Variants in SLC25A24 observed in about 807,000 individuals in gnomAD.
The protein encoded by SLC25A24 is mitochondrial adenyl nucleotide antiporter SLC25A24.
SLC25A24 carries 49 observed loss-of-function variants against 60.7 expected under a neutral mutation model. That is an observed-to-expected ratio of 0.81 (90% CI 0.64 to 1.02). The LOEUF (loss-of-function observed/expected upper bound fraction) is 1.02, where lower values mean the gene tolerates loss of function less well. SLC25A24 is among the 50% of genes least tolerant of loss of function. SLC25A24 has a pLI of 0.00. For missense variants in SLC25A24, 564 were observed against 586.3 expected, an observed-to-expected ratio of 0.96 and a Z score of 0.39; for synonymous variants, 202 against 200.6, an observed-to-expected ratio of 1.01 and a Z score of -0.06.
Position 108,143,653 on chromosome 1 carries a change from A to C in SLC25A24, c.988T>G (p.Cys330Gly). 1 of 1,613,900 alleles carries C rather than the reference A, an allele frequency of 6.2e-7. No homozygotes were observed. Among genetic ancestry groups the C allele is most frequent in the Non-Finnish European group, 8.5e-7 (1 of 1,179,838 alleles). Residue 330 changes from cysteine to glycine, a missense_variant, in exon 8 of 10, where the codon TGT becomes GGT. Transcript: ENST00000565488. ...KTGQYSGIYD[C>G]AKKILKHEGL... ...TCATGTTTCAAAATCTTCTTGGCAC[A>C]ATCATATATTCCAGAGTACTGCCCA...
chr1:108,158,292 T>C (rs1679958418), intron 4 of SLC25A24, among the ~76,000 whole-genome samples: 1 of 152,146 alleles, frequency 6.6e-6, no homozygotes, highest in African/African-American at 2.4e-5. Context: ...GAGAAACAAT[T>C]CTATAATAAT....
In SLC25A24 at chr1:108,136,441, G is replaced by A; in HGVS notation, c.*212C>T. On this transcript the variant is annotated 3_prime_UTR_variant, in exon 10 of 10. Transcript: ENST00000565488. ...AGAAAAGATAAAGTATAATTGTGTG[G>A]CCTTTTCAAAACACATTAAAACTAT... is the stretch of plus-strand genomic sequence containing the variant. The A allele has an allele frequency of 2.0e-6, 1 of 489,498 alleles. No homozygotes were observed. The highest frequency in any genetic ancestry group is 3.6e-6 in the Non-Finnish European group (1 of 278,242). 30.3% of individuals were successfully genotyped at this position (489,498 alleles called of 1,614,324 possible). A position where few individuals can be genotyped will look rare whatever the true frequency, so the allele number is the denominator to read the frequency against.
intron 3 of SLC25A24, among the ~76,000 whole-genome samples, chr1:108,164,249 T>G (rs1405056332): frequency 2.0e-5 from 3 of 152,012 alleles, no homozygotes; most frequent in Non-Finnish European, 4.4e-5. Context: ...TGGTCTAAAA[T>G]TCTCTTTTTT....
intron 3 of SLC25A24, among the ~76,000 whole-genome samples, chr1:108,180,663 T>G (rs1350949265): frequency 9.4e-6 from 1 of 106,940 alleles, no homozygotes; most frequent in Non-Finnish European, 2.0e-5. Context: ...TCTCTCTCTC[T>G]CTCTGCCATA....
At chr1:108,196,138 G>A (rs983066001) in intron 1 of SLC25A24, among the ~76,000 whole-genome samples, 1 of 152,050 alleles carries the variant, frequency 6.6e-6, no homozygotes, top group African/African-American at 2.4e-5. Context: ...ATTCTTCTAT[G>A]TGACTATTTT....
chr1:108,146,330 T>C (rs1679587068), intron 7 of SLC25A24, among the ~76,000 whole-genome samples: 1 of 151,966 alleles, frequency 6.6e-6, no homozygotes, highest in Admixed American at 6.6e-5. Flanking sequence ...GACAAGGAGG[T>C]TTTCTAAATA....
intron 3 of SLC25A24, among the ~76,000 whole-genome samples, chr1:108,161,531 A>T (rs542671413): frequency 1.3e-5 from 2 of 152,346 alleles, no homozygotes; most frequent in African/African-American, 4.8e-5. Context: ...TCACTAAAGA[A>T]TACTTTCAGC....
Position 108,145,816 on chromosome 1 carries a change from T to C in SLC25A24, c.931-2106A>G, listed in dbSNP as rs576466121. Among the ~76,000 whole-genome samples, 3 of 152,248 alleles carry C rather than the reference T, an allele frequency of 2.0e-5. No homozygotes were observed. In the East Asian group the frequency reaches 5.8e-4, roughly 29 times the overall value. On this transcript the variant is annotated intron_variant, in intron 7 of 9. Coordinates refer to ENST00000565488, the MANE Select transcript of SLC25A24 (RefSeq NM_013386.5). ...TTTTGGTTACTGTAGCCTTGTAGTA[T>C]GTTTGAAGTCAGGTAGCGTGATGCC...
intron 5 of SLC25A24, among the ~76,000 whole-genome samples, chr1:108,156,621 T>A (rs997327747): frequency 5.9e-5 from 9 of 152,234 alleles, no homozygotes; most frequent in Non-Finnish European, 8.8e-5. Context: ...ACCATAAGTA[T>A]AACAAAGTTT....
At chr1:108,163,452 G>T (rs929634115) in intron 3 of SLC25A24, among the ~76,000 whole-genome samples, 1 of 150,106 alleles carries the variant, frequency 6.7e-6, no homozygotes, top group African/African-American at 2.5e-5. Flanking sequence ...CCATTTGTTT[G>T]TATCCTCTTT....
At chr1:108,196,829 A>G (rs1392076216) in intron 1 of SLC25A24, among the ~76,000 whole-genome samples, 1 of 152,186 alleles carries the variant, frequency 6.6e-6, no homozygotes, top group African/African-American at 2.4e-5. Flanking sequence ...ATGGGGGTAG[A>G]AGGAGGAAGA....
intron 1 of SLC25A24, among the ~76,000 whole-genome samples, chr1:108,194,691 T>G (rs1012696772): frequency 1.3e-5 from 2 of 152,222 alleles, no homozygotes; most frequent in African/African-American, 4.8e-5. Context: ...ACAGACCTAC[T>G]TACTATAGGG....
At chr1:108,182,884 G>A (rs1197537881) in intron 2 of SLC25A24, among the ~76,000 whole-genome samples, 2 of 151,886 alleles carry the variant, frequency 1.3e-5, no homozygotes, top group Admixed American at 6.6e-5. Context: ...AGGGAGCAAG[G>A]ATAAAAGAAC....
intron 3 of SLC25A24, among the ~76,000 whole-genome samples, chr1:108,173,394 C>T (rs1571300264): frequency 6.6e-6 from 1 of 152,292 alleles, no homozygotes; most frequent in East Asian, 1.9e-4. Flanking sequence ...CTTCCTGCCA[C>T]CATGTGAAGG....
intron 3 of SLC25A24, among the ~76,000 whole-genome samples, chr1:108,173,728 G>A (rs1488076798): frequency 6.6e-6 from 1 of 152,176 alleles, no homozygotes; most frequent in Non-Finnish European, 1.5e-5. Context: ...AGGTGGGAAA[G>A]TTTGTAAGTT....
chr1:108,189,355 A>G (rs974683281), intron 1 of SLC25A24, among the ~76,000 whole-genome samples: 13 of 152,208 alleles, frequency 8.5e-5, no homozygotes, highest in Non-Finnish European at 1.6e-4. Flanking sequence ...CAAACAACTC[A>G]TAAGTTTTAA....
At chr1:108,187,927 G>GATAGATAGATAGATAT in intron 1 of SLC25A24, among the ~76,000 whole-genome samples, 26 of 95,732 alleles carry the variant, frequency 2.7e-4, no homozygotes, top group Admixed American at 5.4e-4. Flanking sequence ...AGACATTATA[G>GATAGATAGATAGATAT]ATATATATAT....
intron 3 of SLC25A24, among the ~76,000 whole-genome samples, chr1:108,179,628 G>A (rs1647842642): frequency 6.6e-6 from 1 of 152,140 alleles, no homozygotes; most frequent in Middle Eastern, 3.4e-3. Context: ...AATGAAATAA[G>A]CCAGGTAAAG....
intron 3 of SLC25A24, among the ~76,000 whole-genome samples, chr1:108,167,184 C>G (rs914289276): frequency 8.6e-5 from 13 of 151,028 alleles, no homozygotes; most frequent in Non-Finnish European, 1.6e-4. Context: ...AGAACCACTG[C>G]TCTCTTCAAA....
Sources: allele counts gnomAD v4.1 joint callset (sites outside exome capture counted in the v4.1 genomes callset), GRCh38; gene constraint gnomAD v4.1.1; transcripts MANE v1.5; gene names NCBI Gene and HGNC (gene_info 2026-07-23, HGNC 2026-07-21).